The following RAC2 variants were observed in gnomAD, a reference collection of about 807,000 sequenced individuals.
RAC2 encodes ras-related C3 botulinum toxin substrate 2.
RAC2 carries 1 observed loss-of-function variant against 24.0 expected under a neutral mutation model. The observed-to-expected ratio is 0.04, with a 90% CI of 0.01 to 0.20. The LOEUF (loss-of-function observed/expected upper bound fraction) is 0.20, where lower values mean the gene tolerates loss of function less well. Among genes scored for constraint, RAC2 ranks in the 10% least tolerant of loss-of-function variants. RAC2 has a pLI of 1.00. For missense variants in RAC2, 130 were observed against 259.1 expected, an observed-to-expected ratio of 0.50 and a Z score of 3.42; for synonymous variants, 114 against 106.8, an observed-to-expected ratio of 1.07 and a Z score of -0.41.
At chr22:37,241,532 C>G in intron 2 of RAC2, 55 bp downstream of exon 2, 1 of 1,552,562 alleles carries the variant, frequency 6.4e-7, no homozygotes, top group East Asian at 2.2e-5. Context: ...GGGGGGTCGA[C>G]TTGGTGACGG....
chr22:37,227,822 C>T (rs1009691429), intron 5 of RAC2, among the ~76,000 whole-genome samples: 20 of 151,950 alleles, frequency 1.3e-4, no homozygotes, highest in African/African-American at 4.6e-4. Context: ...CCTCAGTTTC[C>T]TCATGTCTGT....
At chr22:37,232,432 A>G in intron 3 of RAC2, 2 of 429,362 alleles carry the variant, frequency 4.7e-6, no homozygotes, top group Non-Finnish European at 8.7e-6. Context: ...GCGAGGACCC[A>G]GCAGCCACCT....
chr22:37,240,866 T>C, intron 2 of RAC2: 1 of 609,366 alleles, frequency 1.6e-6, no homozygotes, highest in Non-Finnish European at 3.0e-6. Context: ...GGCCCTGGGG[T>C]AGAAATGTGC....
chr22:37,232,898 T>C lies in RAC2; in HGVS notation c.128A>G (p.Asn43Ser). 1 of 1,613,920 alleles carries C rather than the reference T, an allele frequency of 6.2e-7. No individual in the cohort carries two copies. Among genetic ancestry groups the C allele is most frequent in the Non-Finnish European group, 8.5e-7 (1 of 1,179,934 alleles). ...IPTVFDNYSA[N>S]VMVDSKPVNL... ...CACTGGCTTGCTGTCCACCATCACA[T>C]TGGCTGAATAGTTGTCAAACCTGTG... Residue 43 changes from asparagine (N) to serine (S), a missense_variant, in exon 3 of 7, where the codon AAT becomes AGT. Asn to Ser is a conservative substitution (Grantham distance 46). Transcript: ENST00000249071.
rs76741815 is a variant in RAC2 at position 37,234,907 on chromosome 22, C to T, written c.108-1989G>A. Reference sequence around the variant, plus strand: ...GTCCTCCTCTCTGGCGGAGCTTCGTCGTCCTCTACCTGTAAAGAGCCCATG... The same window carrying T: ...GTCCTCCTCTCTGGCGGAGCTTCGTTGTCCTCTACCTGTAAAGAGCCCATG... On this transcript the variant is annotated intron_variant, in intron 2 of 6. Transcript: ENST00000249071. Among the ~76,000 whole-genome samples, 1,389 of 152,348 alleles carry T rather than the reference C, an allele frequency of 9.1e-3. 23 individuals are homozygous for T. The highest frequency in any genetic ancestry group is 0.032 in the African/African-American group (1,314 of 41,564).
At position 37,226,795 on chromosome 22, in the gene RAC2, T is replaced by G; in HGVS notation, c.457A>C (p.Lys153Gln). The G allele has an allele frequency of 6.2e-7, 1 of 1,612,620 alleles. No individual in the cohort carries two copies. Among genetic ancestry groups the G allele is most frequent in the Non-Finnish European group, 8.5e-7 (1 of 1,179,452 alleles). Residue 153 changes from lysine (K) to glutamine (Q), a missense_variant, in exon 6 of 7, where the codon AAA becomes CAA. This residue lies in a region of RAC2 where 119 missense variants were observed against 192.1 expected (regional missense o/e 0.62). Coordinates refer to ENST00000249071, the MANE Select transcript of RAC2 (RefSeq NM_002872.5). ...GTGAGAGCTGAGCACTCCAGGTATTTCACCGAGTCTGGTTGGGGAGATGGA... is the reference window on the plus strand; with the variant it reads ...GTGAGAGCTGAGCACTCCAGGTATTGCACCGAGTCTGGTTGGGGAGATGGA... ...LALAKEIDSVKYLECSALTQR... is the reference protein window; with the variant it reads ...LALAKEIDSVQYLECSALTQR...
intron 1 of RAC2, among the ~76,000 whole-genome samples, chr22:37,243,304 C>T (rs1033321449): frequency 6.6e-6 from 1 of 152,164 alleles, no homozygotes; most frequent in Non-Finnish European, 1.5e-5. Context: ...CTGGCCTGGA[C>T]CTGTCATTTT....
chr22:37,240,812 T>G, intron 2 of RAC2: 1 of 563,012 alleles, frequency 1.8e-6, no homozygotes, highest in East Asian at 2.9e-5. Flanking sequence ...CAGGTGGATG[T>G]GGGGAGAAAA....
At position 37,231,899 on chromosome 22, in the gene RAC2, C is replaced by G. The variant is rs1389263669; in HGVS notation, c.288+33G>C. 1 of 1,550,572 alleles carries G rather than the reference C, an allele frequency of 6.4e-7. No homozygotes were observed. The highest frequency in any genetic ancestry group is 2.0e-5 in the Admixed American group (1 of 50,994). ...CTCTGTCCCTCAGGGTTACCTGCCC[C>G]AGAGCCCCCAAGGCCCACCCTGTCC... On this transcript the variant is annotated intron_variant, in intron 4 of 6. Coordinates refer to ENST00000249071, the MANE Select transcript of RAC2 (RefSeq NM_002872.5). The surrounding 1 kb of genome is among the most constrained non-coding windows in gnomAD (Gnocchi z 5.5).
chr22:37,237,963 C>G (rs1367310108), intron 2 of RAC2, among the ~76,000 whole-genome samples: 3 of 151,084 alleles, frequency 2.0e-5, no homozygotes, highest in Admixed American at 2.0e-4. Flanking sequence ...GACAGGGGGT[C>G]AAGGAGGCGA....
In RAC2 at chr22:37,244,266, G is replaced by T; in HGVS notation, c.-118C>A. ...GCTGAGGAGCAGCGGTGGTGGGGCAGGAGGAAACGGAAGGGGAACTTACTC... is the reference window on the plus strand; with the variant it reads ...GCTGAGGAGCAGCGGTGGTGGGGCATGAGGAAACGGAAGGGGAACTTACTC... On this transcript the variant is annotated 5_prime_UTR_variant, in exon 1 of 7. The change creates a new upstream start codon in the 5' untranslated region. Coordinates refer to ENST00000249071, the MANE Select transcript of RAC2 (RefSeq NM_002872.5). The T allele has an allele frequency of 8.7e-7, 1 of 1,155,692 alleles. No individual in the cohort carries two copies. Among genetic ancestry groups the T allele is most frequent in the Non-Finnish European group, 1.3e-6 (1 of 791,794 alleles). 71.6% of individuals were successfully genotyped at this position (1,155,692 alleles called of 1,614,324 possible).
intron 2 of RAC2, among the ~76,000 whole-genome samples, chr22:37,233,431 C>A (rs1271845166): frequency 6.6e-6 from 1 of 152,072 alleles, no homozygotes; most frequent in Non-Finnish European, 1.5e-5. Context: ...TACAGGCATG[C>A]ACCACCACGC....
intron 3 of RAC2, 109 bp from the exon 4 acceptor site, chr22:37,232,103 G>C: frequency 9.2e-7 from 1 of 1,090,212 alleles, no homozygotes; most frequent in African/African-American, 1.6e-5. Flanking sequence ...AACACCCCAG[G>C]GAATGCTGGG....
At chr22:37,232,587 T>C in intron 3 of RAC2, 1 of 592,584 alleles carries the variant, frequency 1.7e-6, no homozygotes, top group Admixed American at 2.7e-5. Context: ...GGTGGGAAGA[T>C]GGGCACATTG....
Position 37,231,186 on chromosome 22 carries a change from G to A in RAC2, c.448+45C>T. Reference sequence around the variant, plus strand: ...AATCACACCACGAGGCCAAGTCAGGGCCTCCCCTGCAGCCAGATCGCCCCT... The same window carrying A: ...AATCACACCACGAGGCCAAGTCAGGACCTCCCCTGCAGCCAGATCGCCCCT... On this transcript the variant is annotated intron_variant, in intron 5 of 6. Coordinates refer to ENST00000249071, the MANE Select transcript of RAC2 (RefSeq NM_002872.5). The surrounding 1 kb of genome is among the most constrained non-coding windows in gnomAD (Gnocchi z 5.5). The A allele has an allele frequency of 6.2e-7, 1 of 1,609,566 alleles. No homozygotes were observed. The highest frequency in any genetic ancestry group is 8.5e-7 in the Non-Finnish European group (1 of 1,177,744).
chr22:37,241,322 C>T (rs891239831), intron 2 of RAC2, among the ~76,000 whole-genome samples: 1 of 152,226 alleles, frequency 6.6e-6, no homozygotes, highest in Non-Finnish European at 1.5e-5. Context: ...TTCTCCTCCA[C>T]GTCCCTTTGC....
intron 5 of RAC2, among the ~76,000 whole-genome samples, chr22:37,230,064 T>C (rs1176220792): frequency 6.6e-6 from 1 of 151,910 alleles, no homozygotes; most frequent in Admixed American, 6.6e-5. Flanking sequence ...TCCTTGATAT[T>C]TAAAAGGAAA....
At chr22:37,233,348 T>G (rs1191405663) in intron 2 of RAC2, among the ~76,000 whole-genome samples, 2 of 152,180 alleles carry the variant, frequency 1.3e-5, no homozygotes, top group African/African-American at 2.4e-5. Flanking sequence ...AGTGGCACCA[T>G]CTCGGCCCAC....
At chr22:37,238,659 T>G (rs1927306665) in intron 2 of RAC2, among the ~76,000 whole-genome samples, 1 of 152,250 alleles carries the variant, frequency 6.6e-6, no homozygotes, top group Non-Finnish European at 1.5e-5. Context: ...CCTGCCATGT[T>G]TCTGTATCCC....
Sources: allele counts gnomAD v4.1 joint callset (sites outside exome capture counted in the v4.1 genomes callset), GRCh38; gene constraint gnomAD v4.1.1; regional missense constraint gnomAD v4.1.1; non-coding constraint Gnocchi (gnomAD v3.1); transcripts MANE v1.5; gene names NCBI Gene and HGNC (gene_info 2026-07-23, HGNC 2026-07-21).